RGPD3: variants seen among roughly 807,000 people sequenced by gnomAD.
RGPD3 encodes the protein RANBP2 like and GRIP domain containing 3, also known as ranBP2-like and GRIP domain-containing protein 3.
In RGPD3, 62 loss-of-function variants were observed where a neutral mutation model predicts 154.5. That is an observed-to-expected ratio of 0.40 (90% CI 0.33 to 0.50). The LOEUF (loss-of-function observed/expected upper bound fraction) is 0.50. Ranked by LOEUF, RGPD3 falls within the 20% of genes least tolerant of loss-of-function variation. RGPD3 has a pLI of 0.59. For synonymous variants in RGPD3, 308 were observed against 607.0 expected (o/e 0.51, Z 7.24); for missense variants, 919 against 1,716.8 (o/e 0.54, Z 8.21).
intron 1 of RGPD3, among the ~76,000 whole-genome samples, chr2:106,462,777 C>A (rs1438789231): frequency 1.3e-5 from 2 of 151,578 alleles, no homozygotes; most frequent in Non-Finnish European, 2.9e-5. Flanking sequence ...TCCAAAAAAG[C>A]TGCTGTTCTC....
At position 106,467,632 on chromosome 2, in the gene RGPD3, C is replaced by G. The variant is rs1474433180; in HGVS notation, c.72+585G>C. ...AGCCGCCGGGCCGGGTCGAGGCAGC[C>G]GCCTCCACAGAGCGCGCCAGGGAGC... On this transcript the variant is annotated intron_variant, in intron 1 of 22. Coordinates refer to ENST00000409886, the MANE Select transcript of RGPD3 (RefSeq NM_001144013.2). Among the ~76,000 whole-genome samples the G allele has an allele frequency of 3.6e-5, 5 of 140,608 alleles. 1 individual carries two copies. Among genetic ancestry groups the G allele is most frequent in the East Asian group, 2.0e-4 (1 of 4,894 alleles). The allele number at this position is 140,608 out of a possible 152,430, so 92.2% of individuals were successfully genotyped here.
At chr2:106,468,527 C>T (rs1350810430), upstream of RGPD3, among the ~76,000 whole-genome samples, 2 of 152,194 alleles carry the variant, frequency 1.3e-5, no homozygotes, top group Admixed American at 6.5e-5. Flanking sequence ...TCTTGCCCGC[C>T]GGGCGCCGTG....
intron 1 of RGPD3, among the ~76,000 whole-genome samples, chr2:106,466,354 C>A (rs1396434442): frequency 1.3e-5 from 2 of 150,226 alleles, no homozygotes; most frequent in Admixed American, 6.6e-5. Flanking sequence ...CCTGAGCCAT[C>A]GAGGCCGCCG....
intron 2 of RGPD3, among the ~76,000 whole-genome samples, chr2:106,458,730 A>T (rs1331656041): frequency 3.7e-5 from 1 of 27,384 alleles, no homozygotes; most frequent in African/African-American, 6.9e-5. Flanking sequence ...TACTGCCTAA[A>T]AAAAAAAAAA....
chr2:106,467,651 AG>A (rs1678669214), intron 1 of RGPD3, among the ~76,000 whole-genome samples: 1 of 142,508 alleles, frequency 7.0e-6, no homozygotes, highest in Admixed American at 6.9e-5. Context: ...AGAGCGCGCC[AG>A]GGAGCAGCGC....
rs1316636047 is a variant in RGPD3, at chr2:106,451,111, A to G, written c.782+1094T>C. On this transcript the variant is annotated intron_variant, in intron 6 of 22. Coordinates refer to ENST00000409886, the MANE Select transcript of RGPD3 (RefSeq NM_001144013.2). ...TCAAAAAAAAAAAAACAAAAAAGAA[A>G]GAAAGAAAGAAAGAAAGAAAGGAAC... 4.7e-5 allele frequency among the ~76,000 whole-genome samples: 7 copies of G among 148,114 alleles called. No homozygotes were observed. In the East Asian group the frequency reaches 1.4e-3, roughly 29 times the overall value.
intron 3 of RGPD3, 106 bp from the exon 4 acceptor site, chr2:106,457,229 A>T: frequency 6.7e-7 from 1 of 1,483,380 alleles, no homozygotes. Context: ...TTATCACTCC[A>T]ACCCTTAAAA....
intron 20 of RGPD3, 32 bp from the exon 21 acceptor site, chr2:106,416,021 A>C (rs1184930297): frequency 1.2e-6 from 2 of 1,611,018 alleles, no homozygotes; most frequent in Admixed American, 3.3e-5. Flanking sequence ...ATTAATTTTC[A>C]AAATCATACA....
intron 7 of RGPD3, among the ~76,000 whole-genome samples, chr2:106,442,426 G>A (rs1677776379): frequency 8.3e-6 from 1 of 120,806 alleles, no homozygotes; most frequent in Non-Finnish European, 1.7e-5. Flanking sequence ...TCAGAGTATG[G>A]ATAATAGGGG....
chr2:106,409,859 T>C (rs1391748359), intron 22 of RGPD3, among the ~76,000 whole-genome samples: 4 of 148,178 alleles, frequency 2.7e-5, no homozygotes, highest in Non-Finnish European at 4.5e-5. Flanking sequence ...TTTTGAACTA[T>C]CTTGTAGTTT....
chr2:106,405,371 GGTTC>G, intron 22 of RGPD3, 142 bp from the exon 23 acceptor site: 8 of 958,166 alleles, frequency 8.3e-6, no homozygotes, highest in Non-Finnish European at 1.2e-5. Flanking sequence ...GGGTGGGGGG[GGTTC>G]TTTTTTTTTT....
At chr2:106,455,093 G>A (rs62152523) in intron 4 of RGPD3, among the ~76,000 whole-genome samples, 21,366 of 147,968 alleles carry the variant, frequency 0.14, 335 homozygotes, top group East Asian at 0.2. Flanking sequence ...CTGAGAACCC[G>A]GGAGGCAGAA....
At chr2:106,432,407 T>A (rs1313853665) in intron 17 of RGPD3, among the ~76,000 whole-genome samples, 1 of 146,332 alleles carries the variant, frequency 6.8e-6, no homozygotes, top group Non-Finnish European at 1.5e-5. Flanking sequence ...GAGCCAAGAT[T>A]GCACCACTGC....
At chr2:106,470,907 G>T, upstream of RGPD3, 1 of 1,580,030 alleles carries the variant, frequency 6.3e-7, no homozygotes. Flanking sequence ...AGAGGGAGCT[G>T]GCAGTCCAGG....
At chr2:106,468,791 G>A (rs370365368), upstream of RGPD3, among the ~76,000 whole-genome samples, 12 of 105,582 alleles carry the variant, frequency 1.1e-4, no homozygotes, top group South Asian at 2.2e-3. Context: ...GGATGACAGG[G>A]CAAGACTCCA....
At position 106,424,537 on chromosome 2, in the gene RGPD3, G is replaced by C; in HGVS notation, c.3430C>G (p.Leu1144Val). The C allele has an allele frequency of 6.2e-7, 1 of 1,608,590 alleles. No individual in the cohort carries two copies. The highest frequency in any genetic ancestry group is 1.1e-5 in the South Asian group (1 of 90,834). Residue 1144 changes from leucine to valine, a missense_variant, in exon 20 of 23, where the codon CTA (leucine) becomes GTA (valine). Physicochemically the swap from Leu to Val is conservative, Grantham distance 32. Transcript: ENST00000409886. ...TTAAATTTTGCTGCCAATCGCTCTA[G>C]TTTGGCATCACCATCAGAGAAATCA... ...ASDFSDGDAKLERLAAKFKTP... is the reference protein window; with the variant it reads ...ASDFSDGDAKVERLAAKFKTP...
At chr2:106,415,068 G>A (rs1573242658) in intron 21 of RGPD3, among the ~76,000 whole-genome samples, 1 of 151,752 alleles carries the variant, frequency 6.6e-6, no homozygotes, top group East Asian at 2.0e-4. Context: ...GTGAGCCAGG[G>A]TGGAAATACC....
rs978888023 is a variant in RGPD3, at chr2:106,464,868, C to CGCT, written c.72+3346_72+3348dup. Among the ~76,000 whole-genome samples, 46 of 150,840 alleles carry CGCT rather than the reference C, an allele frequency of 3.0e-4. No individual in the cohort carries two copies. In the South Asian group the frequency reaches 9.2e-3, roughly 30 times the overall value. On this transcript the variant is annotated intron_variant, in intron 1 of 22. Transcript: ENST00000409886. Reference sequence around the variant, plus strand: ...CCTACCGAGTAGGTGGGACTACAGGCGCTGCCACCACGCCCGGCTCATTTT... The same window carrying CGCT: ...CCTACCGAGTAGGTGGGACTACAGGCGCTGCTGCCACCACGCCCGGCTCATTTT...
intron 1 of RGPD3, 24 bp downstream of exon 1, chr2:106,468,193 T>C (rs745898707): frequency 6.3e-5 from 101 of 1,592,064 alleles, no homozygotes; most frequent in Non-Finnish European, 8.1e-5. Flanking sequence ...GTCGAGGCCG[T>C]CGGTCTCTTC....
Sources: allele counts gnomAD v4.1 joint callset (sites outside exome capture counted in the v4.1 genomes callset), GRCh38; gene constraint gnomAD v4.1.1; transcripts MANE v1.5; gene names NCBI Gene and HGNC (gene_info 2026-07-23, HGNC 2026-07-21).